Variants in STARD13 observed in about 807,000 individuals in gnomAD.
The protein encoded by STARD13 is stAR-related lipid transfer protein 13.
In STARD13, 62 loss-of-function variants were observed where a neutral mutation model predicts 106.4. The observed-to-expected ratio is 0.58, with a 90% CI of 0.48 to 0.72. STARD13 has a LOEUF of 0.72. Among genes scored for constraint, STARD13 ranks in the 30% least tolerant of loss-of-function variants. The pLI is 0.00. For synonymous variants in STARD13, 565 were observed against 553.0 expected, an observed-to-expected ratio of 1.02 and a Z score of -0.31; for missense variants, 1,387 against 1,424.0, an observed-to-expected ratio of 0.97 and a Z score of 0.42.
chr13:33,551,633 C>CTGT, the STARD13 span, among the ~76,000 whole-genome samples: 1 of 107,764 alleles, frequency 9.3e-6, no homozygotes. Context: ...GAGTCTCACT[C>CTGT]TGTCAGCCAG....
At chr13:33,335,350 T>A (rs1010378698) in intron 1 of STARD13, 13 of 152,202 alleles carry the variant, frequency 8.5e-5, no homozygotes, top group African/African-American at 2.9e-4. Context: ...CACAGCCAGC[T>A]CCCTCTGTGA....
At chr13:33,385,842 C>A in the STARD13 span, among the ~76,000 whole-genome samples, 1 of 133,826 alleles carries the variant, frequency 7.5e-6, no homozygotes. Flanking sequence ...CAGAGCAAGA[C>A]TCTGTCTCAA....
chr13:33,110,184 C>A, intron 11 of STARD13, 94 bp from the exon 12 acceptor site: 2 of 1,104,896 alleles, frequency 1.8e-6, no homozygotes, highest in Non-Finnish European at 2.6e-6. Flanking sequence ...TCATACCTTG[C>A]TGGGTGTTCA....
chr13:33,170,144 A>G (rs973546019), intron 1 of STARD13, among the ~76,000 whole-genome samples: 16 of 152,196 alleles, frequency 1.1e-4, no homozygotes, highest in Non-Finnish European at 2.1e-4. Flanking sequence ...TTTTTAAATA[A>G]CTAAAAGAGT....
the STARD13 span, among the ~76,000 whole-genome samples, chr13:33,509,005 G>A: frequency 3.9e-4 from 59 of 152,208 alleles, 2 homozygotes; most frequent in East Asian, 7.2e-3. Context: ...AGAAAACATA[G>A]AAAACATAGA....
intron 2 of STARD13, among the ~76,000 whole-genome samples, chr13:33,165,625 T>C (rs1165283418): frequency 6.6e-6 from 1 of 152,190 alleles, no homozygotes; most frequent in Admixed American, 6.5e-5. Flanking sequence ...ATGAGGATAG[T>C]CAAGTGCTTG....
intron 7 of STARD13, among the ~76,000 whole-genome samples, chr13:33,121,239 C>T (rs2858823): frequency 0.3 from 45,341 of 152,048 alleles, 8,051 homozygotes; most frequent in Non-Finnish European, 0.41. Context: ...AACACTGTGA[C>T]GGCAACGAGT....
At chr13:33,657,647 C>T in the STARD13 span, among the ~76,000 whole-genome samples, 2 of 152,220 alleles carry the variant, frequency 1.3e-5, no homozygotes, top group Non-Finnish European at 2.9e-5. Flanking sequence ...GGTATATAAA[C>T]TTCCTTTAGT....
intron 1 of STARD13, among the ~76,000 whole-genome samples, chr13:33,328,893 G>C (rs2077805557): frequency 6.6e-6 from 1 of 152,228 alleles, no homozygotes; most frequent in Admixed American, 6.5e-5. Flanking sequence ...CAGAGGGCCT[G>C]CTTCATGTGT....
chr13:33,306,044 G>A (rs1892892086), intron 1 of STARD13, among the ~76,000 whole-genome samples: 2 of 152,174 alleles, frequency 1.3e-5, no homozygotes, highest in South Asian at 4.1e-4. Flanking sequence ...AAAGAACAAA[G>A]CTGGAGACAG....
intron 1 of STARD13, among the ~76,000 whole-genome samples, chr13:33,322,867 C>T (rs1893611200): frequency 6.6e-6 from 1 of 152,170 alleles, no homozygotes; most frequent in Non-Finnish European, 1.5e-5. Context: ...TAAACAATGT[C>T]CCTGTGGATG....
chr13:33,613,653 A>G, the STARD13 span, among the ~76,000 whole-genome samples: 61 of 152,308 alleles, frequency 4.0e-4, no homozygotes, highest in Non-Finnish European at 6.8e-4. Context: ...GCTGGTCTGG[A>G]GGCTTGCAGG....
intron 1 of STARD13, among the ~76,000 whole-genome samples, chr13:33,341,591 CAAA>C (rs543220774): frequency 1.3e-4 from 10 of 76,914 alleles, no homozygotes; most frequent in Admixed American, 1.5e-4. Flanking sequence ...ACTCCGTCTC[CAAA>C]AAAAAAAAAA....
chr13:33,438,934 A>G, the STARD13 span, among the ~76,000 whole-genome samples: 2 of 152,254 alleles, frequency 1.3e-5, no homozygotes, highest in East Asian at 3.8e-4. Flanking sequence ...TGGGCTTTAA[A>G]GATATAAACT....
chr13:33,431,779 A>C, the STARD13 span, among the ~76,000 whole-genome samples: 1 of 152,192 alleles, frequency 6.6e-6, no homozygotes, highest in Non-Finnish European at 1.5e-5. Flanking sequence ...TGATTATTTG[A>C]TTCATTCAAA....
At chr13:33,241,546 TC>T (rs377553687) in intron 1 of STARD13, among the ~76,000 whole-genome samples, 1,840 of 80,622 alleles carry the variant, frequency 0.023, 24 homozygotes, top group Non-Finnish European at 0.03. Context: ...CCCCTCCCCC[TC>T]CCCCTCCCCC....
the STARD13 span, among the ~76,000 whole-genome samples, chr13:33,376,902 A>C: frequency 6.6e-6 from 1 of 152,180 alleles, no homozygotes; most frequent in Non-Finnish European, 1.5e-5. Context: ...AACAATATCA[A>C]ATGCTGCTGA....
the STARD13 span, among the ~76,000 whole-genome samples, chr13:33,564,939 G>A: frequency 1.4e-5 from 2 of 140,854 alleles, no homozygotes; most frequent in African/African-American, 5.3e-5. Context: ...GTTGCAGTGA[G>A]CCGAGGTCAC....
chr13:33,297,470 G>A (rs142948387), intron 1 of STARD13, among the ~76,000 whole-genome samples: 3 of 152,202 alleles, frequency 2.0e-5, no homozygotes, highest in African/African-American at 7.2e-5. Flanking sequence ...CTTGGCCTTG[G>A]CTTGTTTATT....
Sources: allele counts gnomAD v4.1 joint callset (sites outside exome capture counted in the v4.1 genomes callset), GRCh38; gene constraint gnomAD v4.1.1; transcripts MANE v1.5; gene names NCBI Gene and HGNC (gene_info 2026-07-23, HGNC 2026-07-21).